MYSM1: variants seen among roughly 807,000 people sequenced by gnomAD.
MYSM1 encodes deubiquitinase MYSM1.
In MYSM1, 51 loss-of-function variants were observed where a neutral mutation model predicts 116.0. The ratio of observed to expected loss-of-function variants is 0.44; its 90% CI spans 0.35 to 0.56. The LOEUF (loss-of-function observed/expected upper bound fraction) is 0.56, where lower values mean the gene tolerates loss of function less well. Among genes scored for constraint, MYSM1 ranks in the 20% least tolerant of loss-of-function variants. The probability of loss-of-function intolerance (pLI) is 0.00; values close to 1 mark genes in which losing one functional copy is unlikely to be tolerated. For synonymous variants in MYSM1, 313 were observed against 315.2 expected, an observed-to-expected ratio of 0.99 and a Z score of 0.07; for missense variants, 900 against 974.9, an observed-to-expected ratio of 0.92 and a Z score of 1.02.
rs1053110605 is a variant in MYSM1, at chr1:58,656,914, A to T, written c.*3083T>A. ...AAATATTAATACATTCATTTCATAC[A>T]GATACAATTGTAAAATATCACTTTT... On this transcript the variant is annotated 3_prime_UTR_variant, in exon 20 of 20. Transcript: ENST00000472487. 6.6e-6 allele frequency: 1 copy of T among 152,212 alleles called. No individual in the cohort carries two copies. The highest frequency in any genetic ancestry group is 1.5e-5 in the Non-Finnish European group (1 of 68,038). 9.4% of individuals were successfully genotyped at this position (152,212 alleles called of 1,614,324 possible). A position where few individuals can be genotyped will look rare whatever the true frequency, so the allele number is the denominator to read the frequency against.
At chr1:58,662,462 C>CTTTTTTT (rs5774420) in intron 17 of MYSM1, among the ~76,000 whole-genome samples, 1 of 109,190 alleles carries the variant, frequency 9.2e-6, no homozygotes. Context: ...TCACCCCCCC[C>CTTTTTTT]TTTTTTTTTT....
chr1:58,690,824 T>C (rs1271537220), intron 3 of MYSM1, among the ~76,000 whole-genome samples: 1 of 152,116 alleles, frequency 6.6e-6, no homozygotes, highest in Non-Finnish European at 1.5e-5. Context: ...ATATGGAGAA[T>C]GTAATAGGTA....
rs917643030 is a variant in MYSM1 at position 58,659,899 on chromosome 1, C to T, written c.*98G>A. 2 of 803,322 alleles carry T rather than the reference C, an allele frequency of 2.5e-6. No individual in the cohort carries two copies. Among genetic ancestry groups the T allele is most frequent in the Non-Finnish European group, 3.7e-6 (2 of 546,268 alleles). 49.8% of individuals were successfully genotyped at this position (803,322 alleles called of 1,614,324 possible). A position where few individuals can be genotyped will look rare whatever the true frequency, so the allele number is the denominator to read the frequency against. ...GATTTTGTGAAATAGAGAAAAAATACCAAAGCTGTGCCAATGTTAACTACA... is the reference window on the plus strand; with the variant it reads ...GATTTTGTGAAATAGAGAAAAAATATCAAAGCTGTGCCAATGTTAACTACA... On this transcript the variant is annotated 3_prime_UTR_variant, in exon 20 of 20. Coordinates refer to ENST00000472487, the MANE Select transcript of MYSM1 (RefSeq NM_001085487.3).
Position 58,665,639 on chromosome 1 carries a change from G to C in MYSM1, c.2032-8C>G, listed in dbSNP as rs232790. Reference sequence around the variant, plus strand: ...TCCTCTGGAGAAGTAACTCTACAATGACAAGAAAAATATAATTAGTTTCAA... The same window carrying C: ...TCCTCTGGAGAAGTAACTCTACAATCACAAGAAAAATATAATTAGTTTCAA... On this transcript the variant is annotated splice_region_variant and splice_polypyrimidine_tract_variant and intron_variant, in intron 16 of 19. Transcript: ENST00000472487. 2.0e-6 allele frequency: 3 copies of C among 1,506,796 alleles called. No homozygotes were observed. Among genetic ancestry groups the C allele is most frequent in the African/African-American group, 2.8e-5 (2 of 71,586 alleles). 93.3% of individuals were successfully genotyped at this position (1,506,796 alleles called of 1,614,324 possible). A position where few individuals can be genotyped will look rare whatever the true frequency, so the allele number is the denominator to read the frequency against.
rs143693861 is a variant in MYSM1 at position 58,690,606 on chromosome 1, G to T, written c.219-189C>A. On this transcript the variant is annotated intron_variant, in intron 3 of 19. Coordinates refer to ENST00000472487, the MANE Select transcript of MYSM1 (RefSeq NM_001085487.3). ...AATCCTCTGCCTGCAGGCTACATGT[G>T]GCCCAGGACGGCTTCAAATGTGGCC... 1.3e-4 allele frequency among the ~76,000 whole-genome samples: 20 copies of T among 152,014 alleles called. No homozygotes were observed. The East Asian group carries it at 3.7e-3, about 28-fold the overall frequency.
At chr1:58,684,586 A>G (rs1644798979) in intron 7 of MYSM1, among the ~76,000 whole-genome samples, 1 of 151,834 alleles carries the variant, frequency 6.6e-6, no homozygotes, top group African/African-American at 2.4e-5. Context: ...AAAAGAAAAA[A>G]AAAAAATTCT....
chr1:58,665,062 T>C (rs533708276), intron 17 of MYSM1, among the ~76,000 whole-genome samples: 5 of 152,282 alleles, frequency 3.3e-5, no homozygotes, highest in African/African-American at 1.2e-4. Flanking sequence ...CAAAGAGAGA[T>C]ACAAATTGAG....
Position 58,682,250 on chromosome 1 carries a change from G to T in MYSM1, c.794C>A (p.Ser265Tyr), listed in dbSNP as rs1425711276. The change falls in exon 8 of 20, where the codon TCT becomes TAT. Residue 265 changes from serine (S) to tyrosine (Y), a missense_variant. By Grantham distance (144) the Ser-to-Tyr change is moderately radical. This residue lies in a region of MYSM1 where 622 missense variants were observed against 623.7 expected (regional missense o/e 1.00). Transcript: ENST00000472487. ...HETNQGEFIT[S>Y]DSQEALFSKS... ...AGAAAAGAGAGCTTCCTGGCTGTCAGAAGTAATGAATTCTCCTTGATTGGT... is the reference window on the plus strand; with the variant it reads ...AGAAAAGAGAGCTTCCTGGCTGTCATAAGTAATGAATTCTCCTTGATTGGT... The T allele has an allele frequency of 2.5e-6, 4 of 1,612,398 alleles. No homozygotes were observed. The Admixed American group carries it at 5.0e-5, about 20-fold the overall frequency.
At chr1:58,661,322 T>C (rs1644388438) in intron 18 of MYSM1, 84 bp downstream of exon 18, 8 of 1,348,432 alleles carry the variant, frequency 5.9e-6, no homozygotes, top group Non-Finnish European at 8.5e-6. Context: ...CATCACAATT[T>C]TATATTTAAC....
At position 58,669,836 on chromosome 1, in the gene MYSM1, C is replaced by CAAAAA. The variant is rs58828009; in HGVS notation, c.1662-803_1662-799dup. On this transcript the variant is annotated intron_variant, in intron 12 of 19. Coordinates refer to ENST00000472487, the MANE Select transcript of MYSM1 (RefSeq NM_001085487.3). ...GGGTGACAGAGTGAGACCCTGTCTC[C>CAAAAA]AAAAAAAAAAAAAAAAAAAAAAAAA... 1.8e-3 allele frequency among the ~76,000 whole-genome samples: 26 copies of CAAAAA among 14,594 alleles called. 3 individuals are homozygous for CAAAAA. The highest frequency in any genetic ancestry group is 6.7e-3 in the African/African-American group (25 of 3,740). 9.6% of individuals were successfully genotyped at this position (14,594 alleles called of 152,430 possible).
At chr1:58,666,480 C>CT (rs1479203059) in intron 16 of MYSM1, among the ~76,000 whole-genome samples, 1 of 151,274 alleles carries the variant, frequency 6.6e-6, no homozygotes, top group African/African-American at 2.4e-5. Flanking sequence ...AATAAAATAA[C>CT]TGACTTTCTA....
chr1:58,691,290 A>C (rs1644903302), intron 3 of MYSM1, among the ~76,000 whole-genome samples: 1 of 151,812 alleles, frequency 6.6e-6, no homozygotes, highest in Non-Finnish European at 1.5e-5. Flanking sequence ...AAAAAAAAAA[A>C]ACAAAAACAA....
intron 1 of MYSM1, 70 bp downstream of exon 1, chr1:58,699,915 C>T (rs1275999854): frequency 6.9e-6 from 11 of 1,604,904 alleles, no homozygotes; most frequent in South Asian, 1.1e-5. Context: ...GGACCTGCAG[C>T]TTTCCCAGGG....
In MYSM1 at chr1:58,657,754, C is replaced by T. The variant is rs972757339; in HGVS notation, c.*2243G>A. 1 of 151,962 alleles carries T rather than the reference C, an allele frequency of 6.6e-6. No homozygotes were observed. Among genetic ancestry groups the T allele is most frequent in the Admixed American group, 6.6e-5 (1 of 15,242 alleles). 9.4% of individuals were successfully genotyped at this position (151,962 alleles called of 1,614,324 possible). ...AAATGTACTCTATAGTCAGAAAATA[C>T]TAAGTATTATTTTGAAAACTGTGCT... On this transcript the variant is annotated 3_prime_UTR_variant, in exon 20 of 20. Transcript: ENST00000472487.
intron 11 of MYSM1, among the ~76,000 whole-genome samples, chr1:58,673,144 G>A (rs951473705): frequency 1.3e-5 from 2 of 152,146 alleles, no homozygotes; most frequent in South Asian, 2.1e-4. Flanking sequence ...AAGCCAGTAC[G>A]TACACATTCA....
In MYSM1 at chr1:58,700,011, C is replaced by T. The variant is rs781327613; in HGVS notation, c.42G>A (p.Val14=). The part of the protein sequence containing the change: ...EEADVDIEGD[V]VAAAGAQPGS... ...CTGGCTGTGCCCCCGCCGCCGCTAC[C>T]ACGTCCCCTTCGATATCCACATCCG... The change falls in exon 1 of 20, where the codon GTG becomes GTA. Residue 14 remains valine, a synonymous_variant. Transcript: ENST00000472487. 6.2e-7 allele frequency: 1 copy of T among 1,613,704 alleles called. No individual in the cohort carries two copies. Among genetic ancestry groups the T allele is most frequent in the East Asian group, 2.2e-5 (1 of 44,876 alleles).
chr1:58,681,596 A>T (rs1451739025), intron 8 of MYSM1, among the ~76,000 whole-genome samples, 189 bp downstream of exon 8: 2 of 152,230 alleles, frequency 1.3e-5, no homozygotes, highest in African/African-American at 2.4e-5. Flanking sequence ...ATAGGCAAAA[A>T]GATGGGTTAT....
chr1:58,681,689 A>T (rs894460763), intron 8 of MYSM1, 96 bp downstream of exon 8: 5 of 1,254,362 alleles, frequency 4.0e-6, no homozygotes, highest in Middle Eastern at 2.7e-4. Flanking sequence ...TGATCTCTAG[A>T]TTTACTAGCA....
At position 58,657,987 on chromosome 1, in the gene MYSM1, T is replaced by G. The variant is rs2100577258; in HGVS notation, c.*2010A>C. ...CAAGAAAGCTAGTATAAAACACTTT[T>G]TAGTATTTGTTCCCCAATATATCAT... On this transcript the variant is annotated 3_prime_UTR_variant, in exon 20 of 20. Coordinates refer to ENST00000472487, the MANE Select transcript of MYSM1 (RefSeq NM_001085487.3). The G allele has an allele frequency of 6.6e-6, 1 of 152,286 alleles. No individual in the cohort carries two copies. Among genetic ancestry groups the G allele is most frequent in the East Asian group, 1.9e-4 (1 of 5,188 alleles). 9.4% of individuals were successfully genotyped at this position (152,286 alleles called of 1,614,324 possible).
Sources: allele counts gnomAD v4.1 joint callset (sites outside exome capture counted in the v4.1 genomes callset), GRCh38; gene constraint gnomAD v4.1.1; regional missense constraint gnomAD v4.1.1; transcripts MANE v1.5; gene names NCBI Gene and HGNC (gene_info 2026-07-23, HGNC 2026-07-21).